NDST4: variants seen among roughly 807,000 people sequenced by gnomAD.
NDST4 encodes N-heparan sulfate sulfotransferase 4.
NDST4 carries 63 observed loss-of-function variants against 100.8 expected under a neutral mutation model. That is an observed-to-expected ratio of 0.62 (90% CI 0.51 to 0.77). The LOEUF is 0.77. Ranked by LOEUF, NDST4 falls within the 30% of genes least tolerant of loss-of-function variation. The pLI, the probability that NDST4 is intolerant of heterozygous loss-of-function variation, is 0.00. For synonymous variants in NDST4, 377 were observed against 361.8 expected (o/e 1.04, Z -0.48); for missense variants, 943 against 1,018.4 (o/e 0.93, Z 1.01).
chr4:114,943,721 T>C (rs1016258593), intron 4 of NDST4, among the ~76,000 whole-genome samples: 2 of 152,132 alleles, frequency 1.3e-5, no homozygotes, highest in African/African-American at 4.8e-5. Flanking sequence ...GTTGGCTGGA[T>C]TTGAATTTTG....
intron 2 of NDST4, among the ~76,000 whole-genome samples, chr4:115,071,661 C>T (rs1729081004): frequency 6.6e-6 from 1 of 151,460 alleles, no homozygotes; most frequent in Non-Finnish European, 1.5e-5. Flanking sequence ...TATGCAACAC[C>T]ATTGTTCTAG....
intron 8 of NDST4, among the ~76,000 whole-genome samples, chr4:114,850,566 CTTTTA>C (rs1175407257): frequency 6.6e-6 from 1 of 152,066 alleles, no homozygotes; most frequent in African/African-American, 2.4e-5. Flanking sequence ...ACCTCATTTC[CTTTTA>C]TATCAACTTC....
rs1360264518 is a variant in NDST4 at position 114,912,320 on chromosome 4, T to C, written c.1536+22886A>G. 1.4e-4 allele frequency among the ~76,000 whole-genome samples: 22 copies of C among 152,256 alleles called. No homozygotes were observed. The East Asian group carries it at 4.3e-3, about 29-fold the overall frequency. ...GTGAAGGGAAGCATCCTTGAAGATT[T>C]GAATGGCCTAAGAACACGGCTCTCT... On this transcript the variant is annotated intron_variant, in intron 6 of 13. Transcript: ENST00000264363.
intron 2 of NDST4, among the ~76,000 whole-genome samples, chr4:115,024,073 G>T (rs1361945209): frequency 1.3e-5 from 2 of 152,122 alleles, no homozygotes; most frequent in Non-Finnish European, 2.9e-5. Context: ...AGCTGTAAAG[G>T]CATGATGATC....
intron 2 of NDST4, among the ~76,000 whole-genome samples, chr4:115,019,231 C>G (rs1234672382): frequency 6.6e-6 from 1 of 151,984 alleles, no homozygotes; most frequent in Non-Finnish European, 1.5e-5. Context: ...GTTCAATGGG[C>G]TTCTTTAGTG....
At chr4:114,983,606 G>A (rs1450887420) in intron 2 of NDST4, among the ~76,000 whole-genome samples, 1 of 152,140 alleles carries the variant, frequency 6.6e-6, no homozygotes, top group African/African-American at 2.4e-5. Context: ...AGCCTCATAG[G>A]CAGAAGGAAC....
intron 3 of NDST4, among the ~76,000 whole-genome samples, chr4:114,976,114 T>G (rs963510957): frequency 2.6e-5 from 4 of 152,108 alleles, no homozygotes; most frequent in African/African-American, 9.7e-5. Context: ...ATTTCAATAT[T>G]CTAACAAACC....
rs147272425 is a variant in NDST4, at chr4:115,019,547, A to G, written c.979-42273T>C. Among the ~76,000 whole-genome samples the G allele has an allele frequency of 7.7e-3, 1,168 of 152,254 alleles. 18 individuals are homozygous for G. Among genetic ancestry groups the G allele is most frequent in the Middle Eastern group, 0.017 (5 of 294 alleles). On this transcript the variant is annotated intron_variant, in intron 2 of 13. Coordinates refer to ENST00000264363, the MANE Select transcript of NDST4 (RefSeq NM_022569.3). ...ATTCTTATTTTAAATAGAACTCAGT[A>G]TGTACGAGGCCTAGCCTCCTGGAGA...
At chr4:115,024,740 A>G (rs529952386) in intron 2 of NDST4, among the ~76,000 whole-genome samples, 5 of 151,748 alleles carry the variant, frequency 3.3e-5, no homozygotes, top group Non-Finnish European at 5.9e-5. Context: ...TGTAATTTGT[A>G]TGTGAGAATG....
intron 6 of NDST4, among the ~76,000 whole-genome samples, chr4:114,878,467 A>C (rs1430349386): frequency 6.6e-6 from 1 of 152,222 alleles, no homozygotes; most frequent in African/African-American, 2.4e-5. Context: ...ATCGATTAAA[A>C]TATCCCAGAA....
intron 2 of NDST4, among the ~76,000 whole-genome samples, chr4:115,028,864 C>CT (rs1249613061): frequency 6.6e-6 from 1 of 152,016 alleles, no homozygotes; most frequent in East Asian, 1.9e-4. Flanking sequence ...AATTAGATAA[C>CT]TAGAGGCAAA....
intron 2 of NDST4, among the ~76,000 whole-genome samples, chr4:115,043,959 C>A (rs1166490686): frequency 6.6e-6 from 1 of 152,014 alleles, no homozygotes; most frequent in Non-Finnish European, 1.5e-5. Context: ...ATTACCATGA[C>A]CAAATAAACA....
At chr4:114,959,568 A>G (rs1342198731) in intron 4 of NDST4, among the ~76,000 whole-genome samples, 1 of 152,014 alleles carries the variant, frequency 6.6e-6, no homozygotes, top group Admixed American at 6.5e-5. Flanking sequence ...TGATTCAATT[A>G]CCTCCCACCA....
chr4:115,093,261 G>C (rs1430922927), intron 1 of NDST4, among the ~76,000 whole-genome samples: 1 of 152,086 alleles, frequency 6.6e-6, no homozygotes, highest in African/African-American at 2.4e-5. Flanking sequence ...AGATCATGAG[G>C]TCAGGAGATC....
chr4:115,044,408 T>C (rs1036909501), intron 2 of NDST4, among the ~76,000 whole-genome samples: 5 of 152,032 alleles, frequency 3.3e-5, no homozygotes, highest in African/African-American at 1.2e-4. Context: ...TATGGTGCAT[T>C]GTGCCTGCCA....
At chr4:114,891,247 TA>T (rs1485870132) in intron 6 of NDST4, among the ~76,000 whole-genome samples, 4 of 152,120 alleles carry the variant, frequency 2.6e-5, no homozygotes, top group African/African-American at 7.2e-5. Context: ...ATTTTCCTTT[TA>T]TTTTTTTATA....
At chr4:115,087,570 GA>G (rs900659546) in intron 1 of NDST4, among the ~76,000 whole-genome samples, 4 of 151,578 alleles carry the variant, frequency 2.6e-5, no homozygotes, top group African/African-American at 4.9e-5. Context: ...TATGCTAATG[GA>G]GTTCATGTGA....
chr4:114,936,074 A>C (rs2126225621), intron 5 of NDST4, among the ~76,000 whole-genome samples: 1 of 152,274 alleles, frequency 6.6e-6, no homozygotes, highest in East Asian at 1.9e-4. Flanking sequence ...TATTGGTTAA[A>C]AAGAATGCTT....
intron 2 of NDST4, among the ~76,000 whole-genome samples, chr4:115,022,715 C>T (rs1727885173): frequency 6.6e-6 from 1 of 152,034 alleles, no homozygotes; most frequent in Non-Finnish European, 1.5e-5. Context: ...ATGGGAGGAA[C>T]CCAGTGGGAG....
Sources: allele counts gnomAD v4.1 joint callset (sites outside exome capture counted in the v4.1 genomes callset), GRCh38; gene constraint gnomAD v4.1.1; transcripts MANE v1.5; gene names NCBI Gene and HGNC (gene_info 2026-07-23, HGNC 2026-07-21).